Variants in ZNF532 observed in about 807,000 individuals in gnomAD.
The protein encoded by ZNF532 is zinc finger protein 532.
ZNF532 carries 22 observed loss-of-function variants against 89.3 expected under a neutral mutation model. The ratio of observed to expected loss-of-function variants is 0.25; its 90% confidence interval spans 0.18 to 0.35. The LOEUF (loss-of-function observed/expected upper bound fraction) is 0.35. ZNF532 is among the 10% of genes least tolerant of loss of function. The pLI is 1.00. For synonymous variants in ZNF532, 606 were observed against 649.6 expected (o/e 0.93, Z 1.02); for missense variants, 1,132 against 1,643.4 (o/e 0.69, Z 5.38).
chr18:58,898,614 G>A (rs1357290065), intron 2 of ZNF532, among the ~76,000 whole-genome samples: 13 of 152,136 alleles, frequency 8.5e-5, no homozygotes, highest in Admixed American at 8.5e-4. Flanking sequence ...CGTGAATGCC[G>A]CGCTAGACCC....
At chr18:58,972,241 G>A (rs1219224443) in intron 7 of ZNF532, among the ~76,000 whole-genome samples, 2 of 151,252 alleles carry the variant, frequency 1.3e-5, no homozygotes, top group Non-Finnish European at 3.0e-5. Flanking sequence ...GTGTAGATAT[G>A]TGTGTTTTAC....
intron 7 of ZNF532, among the ~76,000 whole-genome samples, chr18:58,957,347 G>T (rs142233560): frequency 3.8e-5 from 5 of 130,260 alleles, no homozygotes; most frequent in African/African-American, 1.5e-4. Context: ...ATATGTCAGC[G>T]TTCTGAACCA....
At chr18:58,869,642 T>C (rs1157354298) in intron 2 of ZNF532, among the ~76,000 whole-genome samples, 1 of 152,164 alleles carries the variant, frequency 6.6e-6, no homozygotes, top group African/African-American at 2.4e-5. Flanking sequence ...TTATTAATAA[T>C]ATTTGAAGTT....
chr18:58,968,022 A>G (rs1416666999), intron 7 of ZNF532, among the ~76,000 whole-genome samples: 1 of 152,256 alleles, frequency 6.6e-6, no homozygotes, highest in Non-Finnish European at 1.5e-5. Flanking sequence ...GCATGCAGGC[A>G]ATAATGGGTT....
intron 7 of ZNF532, among the ~76,000 whole-genome samples, chr18:58,961,590 G>C (rs1453517913): frequency 6.6e-6 from 1 of 152,022 alleles, no homozygotes; most frequent in East Asian, 1.9e-4. Context: ...TACCGCAAAG[G>C]GGAGGGAATG....
At chr18:58,863,596 GC>G, upstream of ZNF532, 1 of 10,102 alleles carries the variant, frequency 9.9e-5, no homozygotes, top group Non-Finnish European at 2.1e-4. Flanking sequence ...CAGATGACAC[GC>G]CCGTAACATG....
At chr18:58,903,430 T>A (rs954180355) in intron 2 of ZNF532, among the ~76,000 whole-genome samples, 2 of 151,830 alleles carry the variant, frequency 1.3e-5, no homozygotes, top group African/African-American at 4.8e-5. Flanking sequence ...GAGTGATAGC[T>A]ATAATTAAAA....
intron 5 of ZNF532, among the ~76,000 whole-genome samples, chr18:58,942,039 C>G (rs192734792): frequency 7.0e-6 from 1 of 143,236 alleles, no homozygotes; most frequent in African/African-American, 2.6e-5. Flanking sequence ...CTACCCCCGC[C>G]CCCCCCTCAG....
chr18:58,879,006 C>T (rs933212774), intron 2 of ZNF532, among the ~76,000 whole-genome samples: 3 of 152,238 alleles, frequency 2.0e-5, no homozygotes, highest in African/African-American at 7.2e-5. Flanking sequence ...CTGTAGTCCT[C>T]TGTCCTACTT....
In ZNF532 at chr18:58,946,671, C is replaced by T. The variant is rs2146874290; in HGVS notation, c.2706-1396C>T. 2.0e-5 allele frequency among the ~76,000 whole-genome samples: 3 copies of T among 152,260 alleles called. 1 individual carries two copies. The Middle Eastern group carries it at 0.01, about 518-fold the overall frequency. ...GGAGGAAGTGAACATCTTTGTCACA[C>T]CTGCTACGGTTAATGATGACAAATG... On this transcript the variant is annotated intron_variant, in intron 5 of 9. Coordinates refer to ENST00000591808, the MANE Select transcript of ZNF532 (RefSeq NM_001375912.1).
intron 4 of ZNF532, 28 bp downstream of exon 4, chr18:58,934,642 G>T (rs2062221190): frequency 6.3e-7 from 1 of 1,597,484 alleles, no homozygotes; most frequent in Admixed American, 1.7e-5. Context: ...TTATGTGCAA[G>T]TAAAACTCGT....
At chr18:58,925,089 G>GT (rs1423754101) in intron 3 of ZNF532, among the ~76,000 whole-genome samples, 2 of 152,074 alleles carry the variant, frequency 1.3e-5, no homozygotes, top group African/African-American at 2.4e-5. Context: ...TTGTGTATAG[G>GT]TTTTTTTGTG....
intron 2 of ZNF532, among the ~76,000 whole-genome samples, chr18:58,879,620 A>G (rs1255931455): frequency 6.6e-6 from 1 of 152,090 alleles, no homozygotes; most frequent in African/African-American, 2.4e-5. Flanking sequence ...CGAACTCCTG[A>G]CATTGTGAGC....
chr18:58,978,128 T>TG (rs1156405284), intron 7 of ZNF532, among the ~76,000 whole-genome samples: 3 of 152,156 alleles, frequency 2.0e-5, no homozygotes, highest in Non-Finnish European at 4.4e-5. Context: ...TCAGCCTGAG[T>TG]GGGAAACTTT....
At chr18:58,968,559 C>T (rs1338322839) in intron 7 of ZNF532, among the ~76,000 whole-genome samples, 1 of 152,204 alleles carries the variant, frequency 6.6e-6, no homozygotes. Flanking sequence ...CTCCCTTGTC[C>T]TCTCTCAATC....
Position 58,919,873 on chromosome 18 carries a change from T to G in ZNF532, c.1586T>G (p.Leu529Arg). ...PKTVHLANLN[L>R]LPQGAQATSE... Reference sequence around the variant, plus strand: ...ACTGTGCACCTTGCCAACCTTAACCTTTTGCCTCAGGGTGCCCAGGCCACC... The same window carrying G: ...ACTGTGCACCTTGCCAACCTTAACCGTTTGCCTCAGGGTGCCCAGGCCACC... The change falls in exon 3 of 10, where the codon CTT (leucine) becomes CGT (arginine). Residue 529 changes from leucine to arginine, a missense_variant. Leu to Arg is a moderately radical substitution (Grantham distance 102). Coordinates refer to ENST00000591808, the MANE Select transcript of ZNF532 (RefSeq NM_001375912.1). This position sits in a 1 kb window ranked among gnomAD's most constrained non-coding sequence, Gnocchi z 6.1. 6.2e-7 allele frequency: 1 copy of G among 1,613,932 alleles called. No homozygotes were observed. The highest frequency in any genetic ancestry group is 2.2e-5 in the East Asian group (1 of 44,886).
Position 58,919,503 on chromosome 18 carries a change from C to G in ZNF532, c.1216C>G (p.Leu406Val). The change falls in exon 3 of 10, where the codon CTT (leucine) becomes GTT (valine). Residue 406 changes from leucine (L) to valine (V), a missense_variant. Around this residue, in one of 9 missense-constraint regions of ZNF532, gnomAD observed 124 missense variants for 191.6 expected, o/e 0.65. Coordinates refer to ENST00000591808, the MANE Select transcript of ZNF532 (RefSeq NM_001375912.1). This position sits in a 1 kb window ranked among gnomAD's most constrained non-coding sequence, Gnocchi z 6.1. ...TASVMASVTS[L>V]LSSPASAAVL... ...GTCCGTGATGGCCTCTGTGACATCC[C>G]TTCTGTCGTCTCCAGCATCAGCCGC... 1 of 1,614,166 alleles carries G rather than the reference C, an allele frequency of 6.2e-7. No individual in the cohort carries two copies. Among genetic ancestry groups the G allele is most frequent in the South Asian group, 1.1e-5 (1 of 91,080 alleles).
intron 2 of ZNF532, among the ~76,000 whole-genome samples, chr18:58,904,750 G>A (rs1453895119): frequency 1.3e-5 from 2 of 152,108 alleles, no homozygotes; most frequent in African/African-American, 4.8e-5. Context: ...GCCACAGACT[G>A]GGGCTGGCTG....
intron 7 of ZNF532, among the ~76,000 whole-genome samples, chr18:58,976,616 C>A (rs931715318): frequency 6.6e-5 from 10 of 151,838 alleles, no homozygotes; most frequent in Non-Finnish European, 1.5e-4. Flanking sequence ...ATGATCTTCT[C>A]GGCTCACTGC....
Sources: allele counts gnomAD v4.1 joint callset (sites outside exome capture counted in the v4.1 genomes callset), GRCh38; gene constraint gnomAD v4.1.1; regional missense constraint gnomAD v4.1.1; non-coding constraint Gnocchi (gnomAD v3.1); transcripts MANE v1.5; gene names NCBI Gene and HGNC (gene_info 2026-07-23, HGNC 2026-07-21).